Variants in SRCAP observed in about 807,000 individuals in gnomAD.
SRCAP encodes the protein Snf2 related CREBBP activator protein.
SRCAP carries 46 observed loss-of-function variants against 263.1 expected under a neutral mutation model. The ratio of observed to expected loss-of-function variants is 0.17; its 90% CI spans 0.14 to 0.22. SRCAP has a LOEUF of 0.22. Ranked by LOEUF, SRCAP falls within the 10% of genes least tolerant of loss-of-function variation. SRCAP has a pLI of 1.00. For missense variants in SRCAP, 3,695 were observed against 4,181.9 expected, an observed-to-expected ratio of 0.88 and a Z score of 3.21; for synonymous variants, 1,813 against 1,662.1, an observed-to-expected ratio of 1.09 and a Z score of -2.21.
Position 30,734,324 on chromosome 16 carries a change from C to T in SRCAP, c.6610-172C>T, listed in dbSNP as rs564509021. 1,113 of 960,776 alleles carry T rather than the reference C, an allele frequency of 1.2e-3. 19 individuals carry two copies. In the South Asian group the frequency reaches 0.018, roughly 16 times the overall value. 59.5% of individuals were successfully genotyped at this position (960,776 alleles called of 1,614,324 possible). On this transcript the variant is annotated intron_variant, in intron 30 of 33. Transcript: ENST00000262518. Reference sequence around the variant, plus strand: ...CGCCATTGCACTTTAGCCTGGGTGACGAGCAAAACCGTCTCAAAAAAGAAA... The same window carrying T: ...CGCCATTGCACTTTAGCCTGGGTGATGAGCAAAACCGTCTCAAAAAAGAAA...
intron 16 of SRCAP, among the ~76,000 whole-genome samples, chr16:30,714,723 A>G (rs898209012): frequency 2.7e-5 from 4 of 147,908 alleles, no homozygotes; most frequent in African/African-American, 1.0e-4. Flanking sequence ...CTGGTCTCGA[A>G]CTCCTGACCT....
intron 3 of SRCAP, 101 bp downstream of exon 3, chr16:30,700,979 AG>A: frequency 7.7e-7 from 1 of 1,300,582 alleles, no homozygotes; most frequent in Non-Finnish European, 1.1e-6. Flanking sequence ...AGAGTTTTGG[AG>A]AATCTTTGGT....
At chr16:30,707,042 T>G in intron 4 of SRCAP, 141 bp from the exon 5 acceptor site, 1 of 741,690 alleles carries the variant, frequency 1.3e-6, no homozygotes, top group South Asian at 1.8e-5. Flanking sequence ...GAAGAGAGTA[T>G]GATACCTGCC....
At chr16:30,713,743 G>T (rs377654746) in intron 16 of SRCAP, 32 bp downstream of exon 16, 18 of 1,602,922 alleles carry the variant, frequency 1.1e-5, no homozygotes, top group Non-Finnish European at 1.4e-5. Flanking sequence ...CAGGGTATTG[G>T]GAATGGTAAG....
intron 16 of SRCAP, 151 bp downstream of exon 16, chr16:30,713,862 T>C: frequency 1.5e-6 from 1 of 668,526 alleles, no homozygotes; most frequent in South Asian, 1.9e-5. Context: ...GACTAACCCA[T>C]TGCCAGATTG....
At position 30,733,569 on chromosome 16, in the gene SRCAP, C is replaced by T. The variant is rs768100499; in HGVS notation, c.6298-33C>T. The T allele has an allele frequency of 1.9e-6, 3 of 1,604,376 alleles. No homozygotes were observed. The highest frequency in any genetic ancestry group is 2.2e-5 in the South Asian group (2 of 90,126). On this transcript the variant is annotated intron_variant, in intron 28 of 33. Transcript: ENST00000262518. The surrounding 1 kb of genome is among the most constrained non-coding windows in gnomAD (Gnocchi z 5.3). ...TAGACCTGTTTTGGGGGATAAGTCTCCCAGTATCATCTTTTTTTCCCTTTC... is the reference window on the plus strand; with the variant it reads ...TAGACCTGTTTTGGGGGATAAGTCTTCCAGTATCATCTTTTTTTCCCTTTC...
Position 30,738,958 on chromosome 16 carries a change from C to T in SRCAP, c.8918C>T (p.Ser2973Leu). 6.2e-7 allele frequency: 1 copy of T among 1,613,634 alleles called. No individual in the cohort carries two copies. The highest frequency in any genetic ancestry group is 8.5e-7 in the Non-Finnish European group (1 of 1,179,760). ...ESRTQPPPHP[S>L]PLTPLPPLLV... The stretch of plus-strand genomic sequence containing the variant: ...CGGACACAGCCACCCCCACACCCAT[C>T]ACCCCTAACCCCACTCCCACCACTG... The change falls in exon 34 of 34, where the codon TCA becomes TTA. Residue 2973 changes from serine to leucine, a missense_variant. Ser to Leu is a moderately radical substitution (Grantham distance 145). Around this residue, in one of 12 missense-constraint regions of SRCAP, gnomAD observed 1,207 missense variants for 1,142.9 expected, o/e 1.06. Transcript: ENST00000262518.
Position 30,712,074 on chromosome 16 carries a change from C to A in SRCAP, c.1732C>A (p.Leu578Ile). Residue 578 changes from leucine to isoleucine, a missense_variant, in exon 12 of 34, where the codon CTA (leucine) becomes ATA (isoleucine). Around this residue, in one of 12 missense-constraint regions of SRCAP, gnomAD observed 288 missense variants for 302.4 expected, o/e 0.95. Transcript: ENST00000262518. ...GCCTCCTACTCCAGGGCCCACTACT[C>A]TAGGTCCAAAGAAAGAAATTACTGA... ...SGPPTPGPTT[L>I]GPKKEITDIA... 6.2e-7 allele frequency: 1 copy of A among 1,614,110 alleles called. No homozygotes were observed. Among genetic ancestry groups the A allele is most frequent in the South Asian group, 1.1e-5 (1 of 91,076 alleles).
rs2053193465 is a variant in SRCAP, at chr16:30,739,052, A to G, written c.9012A>G (p.Lys3004=). The part of the protein sequence containing the change: ...TTVTISTSPP[K]RKRGRPPKNP... The stretch of plus-strand genomic sequence containing the variant: ...TCACCATTTCAACGTCCCCACCCAA[A>G]CGGAAGAGGGGCCGACCTCCCAAGA... Residue 3004 remains lysine (K), a synonymous_variant, in exon 34 of 34, where the codon AAA becomes AAG. Transcript: ENST00000262518. 6.2e-7 allele frequency: 1 copy of G among 1,613,810 alleles called. No individual in the cohort carries two copies. Among genetic ancestry groups the G allele is most frequent in the Non-Finnish European group, 8.5e-7 (1 of 1,179,930 alleles).
At chr16:30,726,442 C>T (rs1034497155) in intron 25 of SRCAP, among the ~76,000 whole-genome samples, 4 of 151,634 alleles carry the variant, frequency 2.6e-5, no homozygotes, top group African/African-American at 9.7e-5. Flanking sequence ...AACTGCCAGA[C>T]TTTTCCAAAG....
Position 30,739,555 on chromosome 16 carries a change from CTGAGGCTGAAGCCTCAGG to C in SRCAP, c.9521_9538del (p.Ala3174_Glu3179del). ...GGGCCTGAGGGTTCAGTAGAGGAGT[CTGAGGCTGAAGCCTCAGG>C]TGAGGAGGAGGAAGGGGATGGGACC... On this transcript the variant is annotated inframe_deletion, in exon 34 of 34. Transcript: ENST00000262518. The C allele has an allele frequency of 6.2e-7, 1 of 1,609,460 alleles. No homozygotes were observed. Among genetic ancestry groups the C allele is most frequent in the Non-Finnish European group, 8.5e-7 (1 of 1,177,996 alleles).
At chr16:30,703,780 C>G (rs1382980350) in intron 3 of SRCAP, among the ~76,000 whole-genome samples, 1 of 151,908 alleles carries the variant, frequency 6.6e-6, no homozygotes, top group South Asian at 2.1e-4. Context: ...GCCTGTAGTC[C>G]CAGCTGCTCA....
Position 30,724,277 on chromosome 16 carries a change from C to G in SRCAP, c.4853C>G (p.Ala1618Gly), listed in dbSNP as rs201158872. 6.2e-7 allele frequency: 1 copy of G among 1,614,108 alleles called. No individual in the cohort carries two copies. The highest frequency in any genetic ancestry group is 8.5e-7 in the Non-Finnish European group (1 of 1,180,016). ...PLPVLAPSPG[A>G]APVLASSQTP... Reference sequence around the variant, plus strand: ...CCGGTCCTGGCACCATCGCCAGGTGCTGCTCCTGTCCTGGCTTCATCACAG... The same window carrying G: ...CCGGTCCTGGCACCATCGCCAGGTGGTGCTCCTGTCCTGGCTTCATCACAG... The change falls in exon 25 of 34, where the codon GCT becomes GGT. Residue 1618 changes from alanine to glycine, a missense_variant. This residue lies in a region of SRCAP where 1,347 missense variants were observed against 1,304.4 expected (regional missense o/e 1.03). Transcript: ENST00000262518.
In SRCAP at chr16:30,739,645, A is replaced by G; in HGVS notation, c.9605A>G (p.Gln3202Arg). 1 of 1,590,626 alleles carries G rather than the reference A, an allele frequency of 6.3e-7. No homozygotes were observed. Among genetic ancestry groups the G allele is most frequent in the Non-Finnish European group, 8.6e-7 (1 of 1,169,514 alleles). The stretch of plus-strand genomic sequence containing the variant: ...CGCCGGCTTGTTGGGACCACCAACC[A>G]AGGGGACCAGCGCATCCTGCGCAGC... ...GPRRLVGTTN[Q>R]GDQRILRSSA... Residue 3202 changes from glutamine to arginine, a missense_variant, in exon 34 of 34, where the codon CAA becomes CGA. Around this residue, in one of 12 missense-constraint regions of SRCAP, gnomAD observed 1,207 missense variants for 1,142.9 expected, o/e 1.06. Transcript: ENST00000262518.
intron 14 of SRCAP, 60 bp downstream of exon 14, chr16:30,712,875 T>C: frequency 9.5e-6 from 15 of 1,580,052 alleles, no homozygotes; most frequent in Admixed American, 1.9e-5. Flanking sequence ...TTTAAGCCCT[T>C]TCCTCAGGTG....
At chr16:30,727,485 T>A (rs1463728963) in intron 25 of SRCAP, among the ~76,000 whole-genome samples, 1 of 152,016 alleles carries the variant, frequency 6.6e-6, no homozygotes, top group Non-Finnish European at 1.5e-5. Flanking sequence ...CTCCTGGGCT[T>A]AAGTGAACCT....
chr16:30,715,933 AGTTGACTCATCTTTGT>A, intron 16 of SRCAP, 117 bp from the exon 17 acceptor site: 1 of 1,137,302 alleles, frequency 8.8e-7, no homozygotes, highest in East Asian at 2.5e-5. Context: ...GAGGGCTTGC[AGTTGACTCATCTTTGT>A]GTGGTTGGTG....
In SRCAP at chr16:30,707,343, G is replaced by GT; in HGVS notation, c.469dup (p.Trp157LeufsTer66). The GT allele has an allele frequency of 6.2e-7, 1 of 1,614,118 alleles. No individual in the cohort carries two copies. The highest frequency in any genetic ancestry group is 8.5e-7 in the Non-Finnish European group (1 of 1,180,000). On this transcript the variant is annotated frameshift_variant, in exon 5 of 34. Coordinates refer to ENST00000262518, the MANE Select transcript of SRCAP (RefSeq NM_006662.3). LOFTEE classifies it high-confidence loss of function. ...TCTGCTGACTTTGCTCAGGAGCGCC[G>GT]TTGGAAACGGGGTGTGGCCCGGAAG...
In SRCAP at chr16:30,723,030, A is replaced by G. The variant is rs748114856; in HGVS notation, c.3960A>G (p.Gly1320=). The G allele has an allele frequency of 6.2e-7, 1 of 1,613,890 alleles. No homozygotes were observed. The highest frequency in any genetic ancestry group is 8.5e-7 in the Non-Finnish European group (1 of 1,179,976). Residue 1320 remains glycine, a synonymous_variant, in exon 24 of 34, where the codon GGA becomes GGG. Coordinates refer to ENST00000262518, the MANE Select transcript of SRCAP (RefSeq NM_006662.3). The part of the protein sequence containing the change: ...KIVVRQAPRD[G]LTPVPPLAPA... ...TAGTGAGACAAGCCCCTCGGGATGG[A>G]CTGACTCCTGTTCCTCCATTGGCCC...
Sources: allele counts gnomAD v4.1 joint callset (sites outside exome capture counted in the v4.1 genomes callset), GRCh38; gene constraint gnomAD v4.1.1; regional missense constraint gnomAD v4.1.1; non-coding constraint Gnocchi (gnomAD v3.1); transcripts MANE v1.5; gene names NCBI Gene and HGNC (gene_info 2026-07-23, HGNC 2026-07-21).